Variants in STK3 observed in about 807,000 individuals in gnomAD.
The protein encoded by STK3 is serine/threonine kinase 3, also known as serine/threonine-protein kinase 3.
STK3 carries 41 observed loss-of-function variants against 58.0 expected under a neutral mutation model. The ratio of observed to expected loss-of-function variants is 0.71; its 90% CI spans 0.55 to 0.92. STK3 has a LOEUF of 0.92. Among genes scored for constraint, STK3 ranks in the 40% least tolerant of loss-of-function variants. The pLI is 0.00. For missense variants in STK3, 479 were observed against 602.7 expected, an observed-to-expected ratio of 0.79 and a Z score of 2.15; for synonymous variants, 170 against 191.0, an observed-to-expected ratio of 0.89 and a Z score of 0.91.
At chr8:98,756,110 T>A (rs1830272975) in intron 3 of STK3, among the ~76,000 whole-genome samples, 1 of 151,248 alleles carries the variant, frequency 6.6e-6, no homozygotes. Context: ...GCCACTGCAC[T>A]CCTGCCTGGC....
chr8:98,353,456 A>C, the STK3 span, among the ~76,000 whole-genome samples: 2 of 152,210 alleles, frequency 1.3e-5, no homozygotes, highest in Non-Finnish European at 2.9e-5. Context: ...GCACCACTGC[A>C]CTCCAGCCTG....
intron 3 of STK3, among the ~76,000 whole-genome samples, chr8:98,868,803 T>C (rs530056976): frequency 2.5e-4 from 38 of 151,216 alleles, no homozygotes; most frequent in Admixed American, 2.6e-4. Flanking sequence ...ACCTTGTCTC[T>C]ACTAAAAATA....
At chr8:98,359,718 T>C in the STK3 span, among the ~76,000 whole-genome samples, 3 of 152,176 alleles carry the variant, frequency 2.0e-5, no homozygotes, top group Admixed American at 6.5e-5. Context: ...CTGATCTGCT[T>C]AGAATCTTTC....
At chr8:98,461,777 G>T (rs1356402117) in intron 10 of STK3, among the ~76,000 whole-genome samples, 3 of 152,058 alleles carry the variant, frequency 2.0e-5, no homozygotes, top group Admixed American at 6.5e-5. Context: ...CTTAGTTAAC[G>T]GTTTTCTGTT....
chr8:98,862,352 A>G (rs1039698077), intron 3 of STK3, among the ~76,000 whole-genome samples: 2 of 152,222 alleles, frequency 1.3e-5, no homozygotes, highest in South Asian at 2.1e-4. Flanking sequence ...AGATTTTGAT[A>G]ACAAAATCCA....
intron 1 of STK3, among the ~76,000 whole-genome samples, chr8:98,915,196 C>A (rs963899701): frequency 2.0e-5 from 3 of 151,892 alleles, no homozygotes; most frequent in African/African-American, 7.3e-5. Flanking sequence ...CAGACCCACC[C>A]TTAATCTGGG....
intron 10 of STK3, among the ~76,000 whole-genome samples, chr8:98,505,700 T>A (rs1321940828): frequency 1.3e-5 from 2 of 152,182 alleles, no homozygotes; most frequent in Non-Finnish European, 2.9e-5. Flanking sequence ...CCAGACTCTG[T>A]TTGCCTGGGT....
At chr8:98,738,235 T>G (rs1828790190) in intron 4 of STK3, among the ~76,000 whole-genome samples, 1 of 152,080 alleles carries the variant, frequency 6.6e-6, no homozygotes, top group Non-Finnish European at 1.5e-5. Flanking sequence ...CTCAACACTT[T>G]AGATGACCGG....
Position 98,387,181 on chromosome 8 carries a change from A to T in STK3, n.56+1011T>A, listed in dbSNP as rs1817799812. ...TAAGATATGACATAAAGATTAAAAAAAATCTTGCATAGAAATACAAAGCGG... is the reference window on the plus strand; with the variant it reads ...TAAGATATGACATAAAGATTAAAAATAATCTTGCATAGAAATACAAAGCGG... On this transcript the variant is annotated intron_variant and non_coding_transcript_variant, in intron 1 of 2. Transcript: ENST00000518704. Among the ~76,000 whole-genome samples, 9 of 152,364 alleles carry T rather than the reference A, an allele frequency of 5.9e-5. No individual in the cohort carries two copies. In the South Asian group the frequency reaches 1.9e-3, roughly 32 times the overall value.
intron 1 of STK3, among the ~76,000 whole-genome samples, chr8:98,930,586 C>A (rs912890711): frequency 2.6e-5 from 4 of 152,064 alleles, no homozygotes; most frequent in African/African-American, 9.7e-5. Flanking sequence ...GAAATGCAAG[C>A]AAAATTGTAG....
chr8:98,443,506 T>C (rs866030846), intron 1 of STK3, among the ~76,000 whole-genome samples: 2 of 152,194 alleles, frequency 1.3e-5, no homozygotes, highest in African/African-American at 2.4e-5. Context: ...TGTGTCCTCA[T>C]GGAGGCCAGC....
intron 3 of STK3, among the ~76,000 whole-genome samples, chr8:98,753,012 G>T (rs932398597): frequency 6.6e-6 from 1 of 152,100 alleles, no homozygotes; most frequent in Non-Finnish European, 1.5e-5. Flanking sequence ...CTGTTGGTGG[G>T]AGTGTAAATT....
At chr8:98,445,748 A>G (rs1476774187) in intron 1 of STK3, among the ~76,000 whole-genome samples, 1 of 152,220 alleles carries the variant, frequency 6.6e-6, no homozygotes, top group African/African-American at 2.4e-5. Flanking sequence ...TCTCCTCAGA[A>G]GCTGTTGCCA....
chr8:98,372,229 T>G (rs528661611), intron 2 of STK3, among the ~76,000 whole-genome samples: 5 of 152,340 alleles, frequency 3.3e-5, no homozygotes, highest in African/African-American at 9.6e-5. Context: ...TTCAGACTTT[T>G]AGCCTCCAGA....
chr8:98,423,042 G>A (rs1426946011), intron 3 of STK3, among the ~76,000 whole-genome samples: 1 of 152,164 alleles, frequency 6.6e-6, no homozygotes, highest in Non-Finnish European at 1.5e-5. Context: ...CCCAGAGCCT[G>A]GGGGCTCCAG....
chr8:98,562,937 AG>A (rs1448350537), intron 8 of STK3, among the ~76,000 whole-genome samples: 2 of 151,392 alleles, frequency 1.3e-5, no homozygotes, highest in Non-Finnish European at 2.9e-5. Context: ...AATAACAAAA[AG>A]AGTGAACCCA....
At chr8:98,765,575 T>A (rs1830892643) in intron 3 of STK3, among the ~76,000 whole-genome samples, 2 of 152,196 alleles carry the variant, frequency 1.3e-5, no homozygotes, top group African/African-American at 4.8e-5. Context: ...CAAATAAGAC[T>A]GAAGTTGAAG....
intron 3 of STK3, chr8:98,432,770 T>G (rs1208900943): frequency 6.0e-6 from 1 of 167,064 alleles, no homozygotes; most frequent in Non-Finnish European, 1.5e-5. Context: ...ATTTTTAAAA[T>G]TGAGGATGCC....
intron 3 of STK3, among the ~76,000 whole-genome samples, chr8:98,833,805 G>C (rs1835639651): frequency 6.6e-6 from 1 of 152,120 alleles, no homozygotes; most frequent in African/African-American, 2.4e-5. Flanking sequence ...CAGTTGAGGG[G>C]GGTTAGATTT....
Sources: gnomAD v4.1 joint callset for allele counts (sites outside exome capture counted in the v4.1 genomes callset) on GRCh38, gnomAD v4.1.1 for gene constraint, MANE v1.5 for transcripts, NCBI Gene and HGNC (gene_info 2026-07-23, HGNC 2026-07-21) for gene names.